The following XYLT1 variants were observed in gnomAD, a reference collection of about 807,000 sequenced individuals.
XYLT1 encodes xylosyltransferase 1.
XYLT1 carries 36 observed loss-of-function variants against 91.3 expected under a neutral mutation model. The ratio of observed to expected loss-of-function variants is 0.39; its 90% CI spans 0.30 to 0.52. The LOEUF is 0.52. XYLT1 is among the 20% of genes least tolerant of loss of function. The pLI, the probability that XYLT1 is intolerant of heterozygous loss-of-function variation, is 0.68. For synonymous variants in XYLT1, 588 were observed against 532.0 expected (o/e 1.11, Z -1.45); for missense variants, 1,242 against 1,284.5 (o/e 0.97, Z 0.51).
intron 2 of XYLT1, among the ~76,000 whole-genome samples, chr16:17,282,445 C>T (rs2034071806): frequency 6.6e-6 from 1 of 152,182 alleles, no homozygotes; most frequent in Non-Finnish European, 1.5e-5. Flanking sequence ...CGACAGGTGA[C>T]CACATACTAA....
intron 3 of XYLT1, among the ~76,000 whole-genome samples, chr16:17,201,810 G>C (rs1457072513): frequency 6.6e-6 from 1 of 152,076 alleles, no homozygotes; most frequent in Non-Finnish European, 1.5e-5. Flanking sequence ...GAGACTAGAA[G>C]ATTCTATGAG....
intron 11 of XYLT1, 47 bp downstream of exon 11, chr16:17,117,599 C>T (rs1966855043): frequency 6.4e-7 from 1 of 1,570,440 alleles, no homozygotes; most frequent in Non-Finnish European, 8.7e-7. Flanking sequence ...CCCTCAAGGT[C>T]CCCAGGGAAG....
At chr16:17,460,074 C>CTTA (rs933347620) in intron 1 of XYLT1, among the ~76,000 whole-genome samples, 43 of 152,222 alleles carry the variant, frequency 2.8e-4, no homozygotes, top group African/African-American at 1.0e-3. Flanking sequence ...GGGAGGCAGG[C>CTTA]TTATTAGCAT....
At chr16:17,202,881 G>T (rs2032569888) in intron 3 of XYLT1, among the ~76,000 whole-genome samples, 1 of 151,954 alleles carries the variant, frequency 6.6e-6, no homozygotes, top group African/African-American at 2.4e-5. Flanking sequence ...TGAAACAAAA[G>T]TTACAGGAAG....
chr16:17,457,948 C>CT (rs1420161981), intron 1 of XYLT1, among the ~76,000 whole-genome samples: 1 of 152,174 alleles, frequency 6.6e-6, no homozygotes, highest in Non-Finnish European at 1.5e-5. Context: ...AAAAGAATAA[C>CT]TTTTTCACAT....
chr16:17,207,560 G>A (rs1018882436), intron 3 of XYLT1, among the ~76,000 whole-genome samples: 4 of 152,062 alleles, frequency 2.6e-5, no homozygotes, highest in African/African-American at 7.2e-5. Flanking sequence ...GGGATGAGGG[G>A]GCAAAGTTGA....
In XYLT1 at chr16:17,108,664, T is replaced by A. The variant is rs1966811274; in HGVS notation, c.*31A>T. The A allele has an allele frequency of 6.6e-7, 1 of 1,525,556 alleles. No homozygotes were observed. The highest frequency in any genetic ancestry group is 8.8e-7 in the Non-Finnish European group (1 of 1,137,894). The allele number at this position is 1,525,556 out of a possible 1,614,324, so 94.5% of individuals were successfully genotyped here. A position where few individuals can be genotyped will look rare whatever the true frequency, so the allele number is the denominator to read the frequency against. ...CCCTCTGGCTGCTTTCCCGTTGAGA[T>A]CCTGCTGTGGCCCACTCCTCGTGCC... is the stretch of plus-strand genomic sequence containing the variant. On this transcript the variant is annotated 3_prime_UTR_variant, in exon 12 of 12. Transcript: ENST00000261381.
intron 2 of XYLT1, among the ~76,000 whole-genome samples, chr16:17,273,777 G>A (rs1218297028): frequency 6.7e-6 from 1 of 149,184 alleles, no homozygotes; most frequent in Non-Finnish European, 1.5e-5. Context: ...CCGGGAGGCA[G>A]AGGTTGCAGT....
chr16:17,460,526 T>C (rs560780062), intron 1 of XYLT1, among the ~76,000 whole-genome samples: 1 of 152,244 alleles, frequency 6.6e-6, no homozygotes, highest in East Asian at 1.9e-4. Flanking sequence ...TAACCACAGA[T>C]GCTCATTTTT....
intron 9 of XYLT1, among the ~76,000 whole-genome samples, chr16:17,132,883 A>G (rs1356402520): frequency 2.0e-5 from 3 of 152,184 alleles, no homozygotes; most frequent in Non-Finnish European, 4.4e-5. Context: ...GCAACAGAGT[A>G]AGACTCTGTC....
intron 1 of XYLT1, among the ~76,000 whole-genome samples, chr16:17,454,485 T>C (rs1174581939): frequency 6.6e-6 from 1 of 152,116 alleles, no homozygotes; most frequent in Non-Finnish European, 1.5e-5. Flanking sequence ...ATAGCTGATA[T>C]ATAAATGAAA....
intron 1 of XYLT1, among the ~76,000 whole-genome samples, chr16:17,418,774 G>A (rs1432384656): frequency 4.0e-5 from 6 of 151,824 alleles, no homozygotes; most frequent in Non-Finnish European, 7.4e-5. Flanking sequence ...CTTGAGACCT[G>A]GACATTGAGG....
intron 2 of XYLT1, among the ~76,000 whole-genome samples, chr16:17,298,391 G>A (rs776646032): frequency 1.4e-4 from 21 of 152,196 alleles, no homozygotes; most frequent in Non-Finnish European, 2.6e-4. Flanking sequence ...ACGCCTGGTG[G>A]CGAGTGCCCT....
intron 3 of XYLT1, among the ~76,000 whole-genome samples, chr16:17,249,370 G>C (rs1042334443): frequency 1.3e-5 from 2 of 152,152 alleles, no homozygotes; most frequent in African/African-American, 4.8e-5. Flanking sequence ...AAGCAACCAC[G>C]TTATCTTCTT....
chr16:17,344,303 A>G, intron 2 of XYLT1, among the ~76,000 whole-genome samples: 1 of 151,208 alleles, frequency 6.6e-6, no homozygotes, highest in East Asian at 2.0e-4. Context: ...TAACACGGTG[A>G]AACCCCGTCT....
chr16:17,434,476 T>C (rs567744098), intron 1 of XYLT1, among the ~76,000 whole-genome samples: 12 of 152,286 alleles, frequency 7.9e-5, no homozygotes, highest in South Asian at 4.1e-4. Flanking sequence ...AAAACAATTA[T>C]TAAGAAAAGT....
In XYLT1 at chr16:17,130,741, T is replaced by G. The variant is rs551197168; in HGVS notation, c.2028-2880A>C. Among the ~76,000 whole-genome samples, 115 of 152,306 alleles carry G rather than the reference T, an allele frequency of 7.6e-4. 3 individuals carry two copies. The highest frequency in any genetic ancestry group is 6.5e-3 in the Admixed American group (100 of 15,306). ...AGGAGCTTCCTTAATTGTCACCCTC[T>G]CTTACTTTTGCCCACTATAACCTGT... On this transcript the variant is annotated intron_variant, in intron 9 of 11. Coordinates refer to ENST00000261381, the MANE Select transcript of XYLT1 (RefSeq NM_022166.4).
At chr16:17,371,859 T>C (rs2035537465) in intron 1 of XYLT1, among the ~76,000 whole-genome samples, 2 of 152,242 alleles carry the variant, frequency 1.3e-5, no homozygotes, top group African/African-American at 4.8e-5. Context: ...TGTGTGAATA[T>C]GCATGTGTGT....
At position 17,108,474 on chromosome 16, in the gene XYLT1, C is replaced by T. The variant is rs1036168255; in HGVS notation, c.*221G>A. 1 of 452,636 alleles carries T rather than the reference C, an allele frequency of 2.2e-6. No individual in the cohort carries two copies. The highest frequency in any genetic ancestry group is 3.4e-5 in the East Asian group (1 of 29,704). The allele number at this position is 452,636 out of a possible 1,614,324, so 28.0% of individuals were successfully genotyped here. On this transcript the variant is annotated 3_prime_UTR_variant, in exon 12 of 12. Transcript: ENST00000261381. ...TCAACCAGAAGAGGTGAGACAGTCA[C>T]AGTGCAGGGACTGAGCCATCCCACC...
Sources: allele counts gnomAD v4.1 joint callset (sites outside exome capture counted in the v4.1 genomes callset), GRCh38; gene constraint gnomAD v4.1.1; transcripts MANE v1.5; gene names NCBI Gene and HGNC (gene_info 2026-07-23, HGNC 2026-07-21).